Variants in WWOX observed in about 807,000 individuals in gnomAD.
The protein encoded by WWOX is WW domain containing oxidoreductase, also known as WW domain-containing oxidoreductase.
In WWOX, 69 loss-of-function variants were observed where a neutral mutation model predicts 46.2. That is an observed-to-expected ratio of 1.49 (90% confidence interval 1.23 to 1.82). The LOEUF (loss-of-function observed/expected upper bound fraction) is 1.82. WWOX is among the 40% of genes most tolerant of loss of function. WWOX has a pLI of 0.00. For missense variants in WWOX, 919 were observed against 542.6 expected, an observed-to-expected ratio of 1.69 and a Z score of -6.89; for synonymous variants, 359 against 202.6, an observed-to-expected ratio of 1.77 and a Z score of -6.56.
intron 8 of WWOX, among the ~76,000 whole-genome samples, chr16:78,794,800 C>T (rs75068262): frequency 0.025 from 3,831 of 152,348 alleles, 74 homozygotes; most frequent in Non-Finnish European, 0.042. Context: ...CAGATCCTTT[C>T]TAATGCAGAA....
Position 78,470,686 on chromosome 16 carries a change from C to G in WWOX, c.1056+37934C>G, listed in dbSNP as rs560574542. On this transcript the variant is annotated intron_variant, in intron 8 of 8. Transcript: ENST00000566780. ...CTGGGATTACAGGCACGCCACCACA[C>G]CTGGCTAATTTTTGTATTTTTAGTA... is the stretch of plus-strand genomic sequence containing the variant. Among the ~76,000 whole-genome samples the G allele has an allele frequency of 1.7e-3, 264 of 152,262 alleles. 1 individual carries two copies. Among genetic ancestry groups the G allele is most frequent in the African/African-American group, 6.0e-3 (251 of 41,542 alleles).
chr16:78,401,208 G>T (rs1171763305), intron 6 of WWOX, among the ~76,000 whole-genome samples: 1 of 152,008 alleles, frequency 6.6e-6, no homozygotes, highest in Non-Finnish European at 1.5e-5. Flanking sequence ...AAATATTTTT[G>T]CAAGATATTT....
chr16:79,120,567 C>T (rs760098412), intron 8 of WWOX, among the ~76,000 whole-genome samples: 9 of 152,194 alleles, frequency 5.9e-5, no homozygotes, highest in African/African-American at 4.8e-5. Flanking sequence ...AGCAGAGATA[C>T]ATTTGCTCAC....
intron 5 of WWOX, among the ~76,000 whole-genome samples, chr16:78,321,533 G>C (rs530518719): frequency 1.3e-4 from 19 of 151,848 alleles, no homozygotes; most frequent in African/African-American, 4.6e-4. Context: ...GAGAATCCTT[G>C]TCTGATGTTT....
intron 8 of WWOX, among the ~76,000 whole-genome samples, chr16:78,460,030 C>T (rs1193800390): frequency 1.4e-5 from 2 of 147,864 alleles, no homozygotes; most frequent in African/African-American, 4.9e-5. Context: ...TAGTGTTGAA[C>T]TCCTGGGCTC....
At chr16:79,148,515 C>CT (rs555039165) in intron 8 of WWOX, among the ~76,000 whole-genome samples, 36 of 152,166 alleles carry the variant, frequency 2.4e-4, no homozygotes, top group African/African-American at 8.2e-4. Context: ...TCACTGTATT[C>CT]TTTTTTATTA....
chr16:79,028,188 A>C (rs1054454605), intron 8 of WWOX, among the ~76,000 whole-genome samples: 2 of 151,618 alleles, frequency 1.3e-5, no homozygotes, highest in African/African-American at 4.9e-5. Flanking sequence ...TGACCTCATG[A>C]TCCACCTGCC....
At chr16:78,281,787 C>T (rs1291291428) in intron 5 of WWOX, among the ~76,000 whole-genome samples, 2 of 152,100 alleles carry the variant, frequency 1.3e-5, no homozygotes, top group Admixed American at 6.5e-5. Flanking sequence ...TATAAGAACA[C>T]AGCCGTGTTT....
At chr16:78,882,746 C>G (rs1353532286) in intron 8 of WWOX, among the ~76,000 whole-genome samples, 2 of 151,518 alleles carry the variant, frequency 1.3e-5, no homozygotes, top group East Asian at 1.9e-4. Flanking sequence ...GCTTCAGCCT[C>G]TTAAAATTCT....
Position 78,344,746 on chromosome 16 carries a change from C to T in WWOX, c.517-42114C>T, listed in dbSNP as rs1412618878. Among the ~76,000 whole-genome samples the T allele has an allele frequency of 4.9e-5, 6 of 121,906 alleles. 2 individuals carry two copies. Among genetic ancestry groups the T allele is most frequent in the East Asian group, 1.9e-4 (1 of 5,190 alleles). 80.0% of individuals were successfully genotyped at this position (121,906 alleles called of 152,430 possible). On this transcript the variant is annotated intron_variant, in intron 5 of 8. Coordinates refer to ENST00000566780, the MANE Select transcript of WWOX (RefSeq NM_016373.4). ...AATTCTCCATTCCAACTTCCCAAGT[C>T]AGTTGCCATTTGGCCCTGATAAAGC...
chr16:79,150,179 C>G (rs1319188839), intron 8 of WWOX, among the ~76,000 whole-genome samples: 2 of 152,174 alleles, frequency 1.3e-5, no homozygotes, highest in African/African-American at 2.4e-5. Flanking sequence ...AATGAAAACT[C>G]TTCTTGTTAG....
chr16:78,918,340 C>G (rs761466322), intron 8 of WWOX, among the ~76,000 whole-genome samples: 3 of 152,122 alleles, frequency 2.0e-5, no homozygotes, highest in Non-Finnish European at 4.4e-5. Flanking sequence ...TTCTCTCTTC[C>G]TTTTCCTAAG....
chr16:78,633,699 TG>T (rs1387607139), intron 8 of WWOX, among the ~76,000 whole-genome samples: 4 of 152,140 alleles, frequency 2.6e-5, no homozygotes, highest in Admixed American at 1.3e-4. Context: ...TATGCTTCGC[TG>T]TGAAGTGCAA....
chr16:78,295,725 C>A lies in WWOX; in HGVS notation c.517-91135C>A, dbSNP rs562870614. 7.0e-5 allele frequency among the ~76,000 whole-genome samples: 10 copies of A among 143,502 alleles called. No individual in the cohort carries two copies. In the East Asian group the frequency reaches 1.9e-3, roughly 28 times the overall value. The allele number at this position is 143,502 out of a possible 152,430, so 94.1% of individuals were successfully genotyped here. On this transcript the variant is annotated intron_variant, in intron 5 of 8. Transcript: ENST00000566780. ...GACTCAGTCTTAAAAAACAAACAAA[C>A]AAACAAACAAACAAACAAACAAAAA... is the stretch of plus-strand genomic sequence containing the variant.
intron 8 of WWOX, among the ~76,000 whole-genome samples, chr16:78,690,028 T>C: frequency 1.3e-5 from 2 of 151,852 alleles, no homozygotes; most frequent in Admixed American, 1.3e-4. Context: ...GCCCAGCCAA[T>C]TTTTGTATTT....
chr16:78,479,050 T>C (rs1345297071), intron 8 of WWOX, among the ~76,000 whole-genome samples: 1 of 152,196 alleles, frequency 6.6e-6, no homozygotes, highest in East Asian at 1.9e-4. Context: ...TATCCAGGCT[T>C]CCTAAAATAT....
intron 8 of WWOX, among the ~76,000 whole-genome samples, chr16:78,575,026 T>C (rs866655340): frequency 0.049 from 105 of 2,132 alleles, 5 homozygotes; most frequent in African/African-American, 0.14. Context: ...TATATAAATA[T>C]ATATATATAT....
At chr16:78,684,077 T>A (rs1422017336) in intron 8 of WWOX, among the ~76,000 whole-genome samples, 1 of 152,216 alleles carries the variant, frequency 6.6e-6, no homozygotes, top group African/African-American at 2.4e-5. Flanking sequence ...ACATGCTTCC[T>A]TTTTAGCTCA....
Position 79,104,378 on chromosome 16 carries a change from A to C in WWOX, c.1057-107230A>C, listed in dbSNP as rs115270632. Among the ~76,000 whole-genome samples the C allele has an allele frequency of 8.0e-3, 1,211 of 152,290 alleles. 12 individuals carry two copies. The highest frequency in any genetic ancestry group is 0.027 in the African/African-American group (1,122 of 41,556). ...AATGAAAACTCATAAGCATACATCAAAGTTGAAAGAATTTTACAGCGAACC... is the reference window on the plus strand; with the variant it reads ...AATGAAAACTCATAAGCATACATCACAGTTGAAAGAATTTTACAGCGAACC... On this transcript the variant is annotated intron_variant, in intron 8 of 8. Transcript: ENST00000566780.
Sources: gnomAD v4.1 joint callset for allele counts (sites outside exome capture counted in the v4.1 genomes callset) on GRCh38, gnomAD v4.1.1 for gene constraint, MANE v1.5 for transcripts, NCBI Gene and HGNC (gene_info 2026-07-23, HGNC 2026-07-21) for gene names.